The following CD59 variants were observed in gnomAD, a reference collection of about 807,000 sequenced individuals.
The protein encoded by CD59 is CD59 glycoprotein.
A neutral mutation model predicts 7.0 loss-of-function variants in CD59; 3 were observed. That is an observed-to-expected ratio of 0.43 (90% CI 0.19 to 1.10). The LOEUF is 1.10. Ranked by LOEUF, CD59 falls within the 50% of genes least tolerant of loss-of-function variation. The probability of loss-of-function intolerance (pLI) is 0.29; values close to 1 mark genes in which losing one functional copy is unlikely to be tolerated. For synonymous variants in CD59, 60 were observed against 62.0 expected, an observed-to-expected ratio of 0.97 and a Z score of 0.15; for missense variants, 143 against 151.0, an observed-to-expected ratio of 0.95 and a Z score of 0.28.
intron 2 of CD59, 152 bp downstream of exon 2, chr11:33,722,227 A>G (rs1361169806): frequency 1.4e-6 from 1 of 692,150 alleles, no homozygotes; most frequent in Non-Finnish European, 2.7e-6. Flanking sequence ...TAACATAGGA[A>G]GGAGCTGTCA....
intron 2 of CD59, chr11:33,719,391 G>A (rs2133550477): frequency 6.6e-6 from 1 of 152,410 alleles, no homozygotes; most frequent in South Asian, 2.1e-4. Flanking sequence ...GGAGGCCGAG[G>A]TGGGTGGATC....
chr11:33,734,287 C>G lies in CD59; in HGVS notation c.-19+2095G>C, dbSNP rs137899302. Among the ~76,000 whole-genome samples the G allele has an allele frequency of 2.1e-4, 32 of 152,338 alleles. No individual in the cohort carries two copies. The East Asian group carries it at 3.9e-3, about 18-fold the overall frequency. ...TCCAATCCAGCCAAGGTTCTCATGC[C>G]AGGAATAACCACTCCAAAACTCTTT... On this transcript the variant is annotated intron_variant, in intron 1 of 3. Transcript: ENST00000642928.
At chr11:33,714,671 A>G (rs1223726301) in intron 3 of CD59, among the ~76,000 whole-genome samples, 1 of 152,156 alleles carries the variant, frequency 6.6e-6, no homozygotes, top group Non-Finnish European at 1.5e-5. Flanking sequence ...GCACAAAAAT[A>G]TTTTCTTTCT....
chr11:33,710,235 A>T lies in CD59; in HGVS notation c.278T>A (p.Leu93Gln). The T allele has an allele frequency of 6.2e-7, 1 of 1,614,156 alleles. No individual in the cohort carries two copies. Among genetic ancestry groups the T allele is most frequent in the Non-Finnish European group, 8.5e-7 (1 of 1,179,984 alleles). ...TTCAAGCTGTTCGTTAAAGTTACAC[A>T]GGTCCTTCTTGCAGCAGTAGTACGT... is the stretch of plus-strand genomic sequence containing the variant. ...ELTYYCCKKDLCNFNEQLENG... is the reference protein window; with the variant it reads ...ELTYYCCKKDQCNFNEQLENG... The change falls in exon 4 of 4, where the codon CTG becomes CAG. Residue 93 changes from leucine (L) to glutamine (Q), a missense_variant. Physicochemically the swap from Leu to Gln is moderately radical, Grantham distance 113. Transcript: ENST00000642928.
Position 33,704,885 on chromosome 11 carries a change from A to C in CD59, c.*5241T>G, listed in dbSNP as rs1212953102. On this transcript the variant is annotated 3_prime_UTR_variant, in exon 4 of 4. Coordinates refer to ENST00000642928, the MANE Select transcript of CD59 (RefSeq NM_000611.6). ...AGGACCAAGCTATTCTGGGAAGCCC[A>C]GAACAGTCTTTCCTTTATTATTCAT... 1 of 152,632 alleles carries C rather than the reference A, an allele frequency of 6.6e-6. No homozygotes were observed. The highest frequency in any genetic ancestry group is 1.5e-5 in the Non-Finnish European group (1 of 68,040). The allele number at this position is 152,632 out of a possible 1,614,324, so 9.5% of individuals were successfully genotyped here. A position where few individuals can be genotyped will look rare whatever the true frequency, so the allele number is the denominator to read the frequency against.
chr11:33,723,688 C>G (rs1054756820), intron 1 of CD59, among the ~76,000 whole-genome samples: 1 of 152,200 alleles, frequency 6.6e-6, no homozygotes, highest in Non-Finnish European at 1.5e-5. Context: ...GTGGACCTTC[C>G]CAGGAGACCT....
intron 1 of CD59, among the ~76,000 whole-genome samples, chr11:33,732,107 G>A (rs1011740211): frequency 3.9e-5 from 6 of 152,174 alleles, no homozygotes; most frequent in African/African-American, 1.4e-4. Context: ...CCATGATTGT[G>A]AGGCATCCCT....
At chr11:33,727,018 T>G (rs1854279507) in intron 1 of CD59, among the ~76,000 whole-genome samples, 1 of 152,116 alleles carries the variant, frequency 6.6e-6, no homozygotes, top group Non-Finnish European at 1.5e-5. Flanking sequence ...GTTCTGAAAT[T>G]AAGGCAATAA....
At chr11:33,717,952 C>T (rs919146635) in intron 2 of CD59, 3 of 204,280 alleles carry the variant, frequency 1.5e-5, no homozygotes, top group African/African-American at 2.3e-5. Flanking sequence ...AATAGATGAA[C>T]ATCTGCAATT....
intron 1 of CD59, among the ~76,000 whole-genome samples, chr11:33,728,305 A>T (rs1186783090): frequency 6.6e-6 from 1 of 152,230 alleles, no homozygotes; most frequent in Non-Finnish European, 1.5e-5. Flanking sequence ...ACAGCATGGT[A>T]CTGGTACCGA....
chr11:33,726,238 C>T (rs935141306), intron 1 of CD59, among the ~76,000 whole-genome samples: 7 of 152,190 alleles, frequency 4.6e-5, no homozygotes, highest in Non-Finnish European at 1.0e-4. Context: ...TTCTTCTTAG[C>T]ACCGCATGGT....
Position 33,736,417 on chromosome 11 carries a change from C to A in CD59, c.-54G>T, listed in dbSNP as rs1188448328. ...CCAAGATCCTCTTCCAGCCTCGAGC[C>A]GCTTCTGCGCTCAGCCCCCGCATTC... On this transcript the variant is annotated 5_prime_UTR_variant, in exon 1 of 4. Coordinates refer to ENST00000642928, the MANE Select transcript of CD59 (RefSeq NM_000611.6). This position sits in a 1 kb window ranked among gnomAD's most constrained non-coding sequence, Gnocchi z 4.4. 1 of 152,518 alleles carries A rather than the reference C, an allele frequency of 6.6e-6. No homozygotes were observed. Among genetic ancestry groups the A allele is most frequent in the Non-Finnish European group, 1.5e-5 (1 of 68,294 alleles). The allele number at this position is 152,518 out of a possible 1,614,324, so 9.4% of individuals were successfully genotyped here.
chr11:33,717,334 C>T, intron 3 of CD59, 36 bp downstream of exon 3: 1 of 1,357,922 alleles, frequency 7.4e-7, no homozygotes, highest in Non-Finnish European at 1.1e-6. Flanking sequence ...CTTATTACCC[C>T]ATTACATTTA....
At chr11:33,729,555 T>A (rs1854354061) in intron 1 of CD59, among the ~76,000 whole-genome samples, 1 of 151,916 alleles carries the variant, frequency 6.6e-6, no homozygotes, top group Non-Finnish European at 1.5e-5. Flanking sequence ...TTAGGAGAAA[T>A]ACCTAATGTA....
rs1298339765 is a variant in CD59 at position 33,717,435 on chromosome 11, G to T, written c.104C>A (p.Thr35Asn). 1 of 1,613,504 alleles carries T rather than the reference G, an allele frequency of 6.2e-7. No individual in the cohort carries two copies. The highest frequency in any genetic ancestry group is 1.6e-4 in the Middle Eastern group (1 of 6,062). ...ATTGACGGCTGTTTTGCAGTCAGCA[G>T]TTGGGTTAGGACAGTTGTAGCACTG... Reference protein sequence around the residue: ...SLQCYNCPNPTADCKTAVNCS... With the variant: ...SLQCYNCPNPNADCKTAVNCS... Residue 35 changes from threonine to asparagine, a missense_variant, in exon 3 of 4, where the codon ACT (threonine) becomes AAT (asparagine). Physicochemically the swap from Thr to Asn is moderately conservative, Grantham distance 65. Coordinates refer to ENST00000642928, the MANE Select transcript of CD59 (RefSeq NM_000611.6).
intron 2 of CD59, 58 bp from the exon 3 acceptor site, chr11:33,717,529 G>T: frequency 9.2e-7 from 1 of 1,082,588 alleles, no homozygotes; most frequent in Non-Finnish European, 1.4e-6. Flanking sequence ...TCCCCTGGCA[G>T]CCCACCATCT....
chr11:33,722,999 G>C, intron 1 of CD59: 1 of 1,017,696 alleles, frequency 9.8e-7, no homozygotes, highest in Non-Finnish European at 1.2e-6. Context: ...GAGGTATTGA[G>C]CAACTTTGTA....
At position 33,711,316 on chromosome 11, in the gene CD59, G is replaced by A. The variant is rs905358870; in HGVS notation, c.170-973C>T. 21 of 669,774 alleles carry A rather than the reference G, an allele frequency of 3.1e-5. No homozygotes were observed. In the Admixed American group the frequency reaches 3.7e-4, roughly 12 times the overall value. The allele number at this position is 669,774 out of a possible 1,614,324, so 41.5% of individuals were successfully genotyped here. A position where few individuals can be genotyped will look rare whatever the true frequency, so the allele number is the denominator to read the frequency against. ...ACCCCCTCTCTATTTCTTTTTTAAA[G>A]TCATATGTAAGAGCATAGTATCCAG... On this transcript the variant is annotated intron_variant, in intron 3 of 3. Transcript: ENST00000642928.
chr11:33,731,652 G>T (rs1158307183), intron 1 of CD59, among the ~76,000 whole-genome samples: 2 of 152,214 alleles, frequency 1.3e-5, no homozygotes, highest in African/African-American at 4.8e-5. Context: ...GTTTCTGCTG[G>T]TTCAGGGATC....
Sources: gnomAD v4.1 joint callset for allele counts (sites outside exome capture counted in the v4.1 genomes callset) on GRCh38, gnomAD v4.1.1 for gene constraint, Gnocchi (gnomAD v3.1) non-coding constraint, MANE v1.5 for transcripts, NCBI Gene and HGNC (gene_info 2026-07-23, HGNC 2026-07-21) for gene names.